Variants in NUP210 observed in about 807,000 individuals in gnomAD.
The protein encoded by NUP210 is nuclear pore membrane glycoprotein 210.
NUP210 carries 151 observed loss-of-function variants against 196.0 expected under a neutral mutation model. The ratio of observed to expected loss-of-function variants is 0.77; its 90% CI spans 0.67 to 0.88. The LOEUF is 0.88. NUP210 is among the 40% of genes least tolerant of loss of function. The pLI is 0.00. For synonymous variants in NUP210, 1,070 were observed against 1,052.7 expected, an observed-to-expected ratio of 1.02 and a Z score of -0.32; for missense variants, 2,314 against 2,493.7, an observed-to-expected ratio of 0.93 and a Z score of 1.53.
chr3:13,329,689 A>G (rs1260714612), intron 30 of NUP210, among the ~76,000 whole-genome samples: 1 of 152,230 alleles, frequency 6.6e-6, no homozygotes. Flanking sequence ...GAGTCTAAAG[A>G]TTTAAGTGAG....
intron 36 of NUP210, 23 bp downstream of exon 36, chr3:13,321,562 T>C (rs1210379523): frequency 1.2e-6 from 2 of 1,608,116 alleles, no homozygotes; most frequent in African/African-American, 2.7e-5. Flanking sequence ...CGGCCTGGCC[T>C]GAGGCATGCA....
rs756021923 is a variant in NUP210, at chr3:13,358,255, C to T, written c.2295G>A (p.Met765Ile). ...APVYTSPQLD[M>I]SCPLLQQNKQ... ...TGTTCTGCTGCAGCAGCGGACAGGACATGTCCAGCTGGGGGCTGGTGTAGA... is the reference window on the plus strand; with the variant it reads ...TGTTCTGCTGCAGCAGCGGACAGGATATGTCCAGCTGGGGGCTGGTGTAGA... The change falls in exon 16 of 40, where the codon ATG becomes ATA. Residue 765 changes from methionine (M) to isoleucine (I), a missense_variant. Met to Ile is a conservative substitution (Grantham distance 10). Transcript: ENST00000254508. 8.1e-6 allele frequency: 13 copies of T among 1,613,034 alleles called. No individual in the cohort carries two copies. The highest frequency in any genetic ancestry group is 1.1e-5 in the Non-Finnish European group (13 of 1,179,548).
chr3:13,402,701 T>G (rs187010697), intron 1 of NUP210, among the ~76,000 whole-genome samples: 12 of 138,854 alleles, frequency 8.6e-5, no homozygotes, highest in African/African-American at 3.9e-4. Context: ...CGTTTTCATT[T>G]TCCGTCAAAA....
At position 13,347,448 on chromosome 3, in the gene NUP210, G is replaced by T; in HGVS notation, c.2836-4145C>A. 1 of 558,042 alleles carries T rather than the reference G, an allele frequency of 1.8e-6. No individual in the cohort carries two copies. The highest frequency in any genetic ancestry group is 2.3e-6 in the Non-Finnish European group (1 of 439,448). 34.6% of individuals were successfully genotyped at this position (558,042 alleles called of 1,614,324 possible). ...GATAAACACTCCTATGTGCAAACCA[G>T]CCGAAAACAAAATAAAGGCCCTTAC... On this transcript the variant is annotated intron_variant, in intron 20 of 39. Coordinates refer to ENST00000254508, the MANE Select transcript of NUP210 (RefSeq NM_024923.4). This position sits in a 1 kb window ranked among gnomAD's most constrained non-coding sequence, Gnocchi z 4.7.
intron 32 of NUP210, among the ~76,000 whole-genome samples, 163 bp downstream of exon 32, chr3:13,327,054 G>A (rs1465653724): frequency 6.6e-6 from 1 of 152,232 alleles, no homozygotes; most frequent in Admixed American, 6.5e-5. Context: ...GCACAGGCTG[G>A]ATCTGGTCTC....
intron 28 of NUP210, among the ~76,000 whole-genome samples, chr3:13,332,740 CACAT>C (rs1250145440): frequency 1.8e-5 from 2 of 111,552 alleles, no homozygotes; most frequent in Non-Finnish European, 3.9e-5. Context: ...CACACACACA[CACAT>C]GGCCAAAGAT....
At chr3:13,387,425 C>T (rs1699311940) in intron 5 of NUP210, among the ~76,000 whole-genome samples, 1 of 152,220 alleles carries the variant, frequency 6.6e-6, no homozygotes. Flanking sequence ...CAGCCTGGGC[C>T]CTACACAGGA....
chr3:13,360,132 T>C lies in NUP210; in HGVS notation c.2154+138A>G. ...ACATTCCACCTCACCACGCCTCAGT[T>C]TGCCTGTCTGTAAAATGGGTACAAT... is the stretch of plus-strand genomic sequence containing the variant. On this transcript the variant is annotated intron_variant, in intron 15 of 39. Coordinates refer to ENST00000254508, the MANE Select transcript of NUP210 (RefSeq NM_024923.4). 6.8e-6 allele frequency: 5 copies of C among 737,916 alleles called. No individual in the cohort carries two copies. The South Asian group carries it at 9.2e-5, about 14-fold the overall frequency. 45.7% of individuals were successfully genotyped at this position (737,916 alleles called of 1,614,324 possible).
chr3:13,399,210 G>A (rs1294439855), intron 2 of NUP210, among the ~76,000 whole-genome samples: 1 of 143,870 alleles, frequency 7.0e-6, no homozygotes, highest in African/African-American at 2.6e-5. Flanking sequence ...AGGTTGCAGT[G>A]AGCCAAGATC....
chr3:13,362,837 T>C (rs1273828414), intron 14 of NUP210, among the ~76,000 whole-genome samples: 1 of 152,142 alleles, frequency 6.6e-6, no homozygotes, highest in Non-Finnish European at 1.5e-5. Context: ...CAGTTCTGCA[T>C]GCCACTCAGG....
At chr3:13,321,864 C>A in intron 35 of NUP210, 29 bp from the exon 36 acceptor site, 1 of 1,594,082 alleles carries the variant, frequency 6.3e-7, no homozygotes, top group Admixed American at 1.7e-5. Context: ...ATTGTCTTGT[C>A]CCCTCTCCTG....
At chr3:13,328,706 C>T (rs1696875235) in intron 31 of NUP210, 65 bp downstream of exon 31, 1 of 1,435,686 alleles carries the variant, frequency 7.0e-7, no homozygotes. Context: ...TGTGTTATCC[C>T]CAGTTGTCTC....
chr3:13,391,342 G>T, intron 3 of NUP210, 35 bp from the exon 4 acceptor site: 1 of 1,447,200 alleles, frequency 6.9e-7, no homozygotes, highest in South Asian at 1.2e-5. Flanking sequence ...GACAGATATG[G>T]AGTTAATTTC....
intron 31 of NUP210, among the ~76,000 whole-genome samples, chr3:13,328,547 T>C (rs1228017814): frequency 6.6e-6 from 1 of 152,234 alleles, no homozygotes. Context: ...TTTCCTCCTT[T>C]GGGGGCTGAT....
chr3:13,372,544 G>A (rs1474790746), intron 12 of NUP210, among the ~76,000 whole-genome samples: 1 of 152,216 alleles, frequency 6.6e-6, no homozygotes, highest in African/African-American at 2.4e-5. Flanking sequence ...AGATGCGACA[G>A]CTTGAGCCAG....
intron 18 of NUP210, among the ~76,000 whole-genome samples, chr3:13,352,949 G>C (rs527440951): frequency 6.6e-6 from 1 of 152,122 alleles, no homozygotes; most frequent in Admixed American, 6.5e-5. Flanking sequence ...TCAGGGCAGG[G>C]AGGAAGTGCA....
chr3:13,346,372 C>T (rs758457375), intron 20 of NUP210, among the ~76,000 whole-genome samples: 30 of 152,234 alleles, frequency 2.0e-4, no homozygotes, highest in Admixed American at 9.2e-4. Flanking sequence ...ATTCTGGACA[C>T]ACCTGCTTCC....
intron 13 of NUP210, among the ~76,000 whole-genome samples, chr3:13,368,833 G>A (rs762278669): frequency 6.6e-6 from 1 of 152,134 alleles, no homozygotes; most frequent in Admixed American, 6.5e-5. Flanking sequence ...TTCTTCCAAC[G>A]GTGGACACCT....
intron 35 of NUP210, 98 bp from the exon 36 acceptor site, chr3:13,321,933 C>A: frequency 6.7e-7 from 1 of 1,493,900 alleles, no homozygotes; most frequent in Non-Finnish European, 9.0e-7. Context: ...TCCTATGCAT[C>A]CTCCAAAGCC....
Sources: gnomAD v4.1 joint callset for allele counts (sites outside exome capture counted in the v4.1 genomes callset) on GRCh38, gnomAD v4.1.1 for gene constraint, Gnocchi (gnomAD v3.1) non-coding constraint, MANE v1.5 for transcripts, NCBI Gene and HGNC (gene_info 2026-07-23, HGNC 2026-07-21) for gene names.